Variants in HECW2 observed in about 807,000 individuals in gnomAD.
HECW2 encodes the protein HECT, C2 and WW domain containing E3 ubiquitin protein ligase 2, also known as E3 ubiquitin-protein ligase HECW2.
HECW2 carries 61 observed loss-of-function variants against 175.2 expected under a neutral mutation model. The observed-to-expected ratio is 0.35, with a 90% CI of 0.28 to 0.43. HECW2 has a LOEUF of 0.43. Ranked by LOEUF, HECW2 falls within the 20% of genes least tolerant of loss-of-function variation. HECW2 has a pLI of 1.00. For synonymous variants in HECW2, 671 were observed against 731.0 expected, an observed-to-expected ratio of 0.92 and a Z score of 1.32; for missense variants, 1,524 against 2,000.5, an observed-to-expected ratio of 0.76 and a Z score of 4.54.
chr2:196,310,006 T>C (rs1406075613), intron 10 of HECW2, among the ~76,000 whole-genome samples: 1 of 152,234 alleles, frequency 6.6e-6, no homozygotes, highest in Admixed American at 6.5e-5. Context: ...AATATGACTA[T>C]GGCTTGCTTG....
At chr2:196,320,509 C>T in intron 7 of HECW2, 70 bp from the exon 8 acceptor site, 1 of 923,140 alleles carries the variant, frequency 1.1e-6, no homozygotes, top group Non-Finnish European at 1.7e-6. Context: ...TTCCACAGGC[C>T]ACCCACCAAA....
At chr2:196,511,019 G>A (rs1041287123) in intron 1 of HECW2, among the ~76,000 whole-genome samples, 16 of 152,184 alleles carry the variant, frequency 1.1e-4, no homozygotes, top group African/African-American at 2.9e-4. Context: ...AGGCTGGAGC[G>A]CAGTGGTGTG....
At chr2:196,404,797 C>CT (rs1035740886) in intron 2 of HECW2, among the ~76,000 whole-genome samples, 4 of 133,620 alleles carry the variant, frequency 3.0e-5, no homozygotes, top group South Asian at 2.5e-4. Flanking sequence ...GGTAATATTT[C>CT]TTTTTTTTTC....
chr2:196,501,787 T>A (rs1687587395), intron 1 of HECW2, among the ~76,000 whole-genome samples: 1 of 152,220 alleles, frequency 6.6e-6, no homozygotes, highest in Admixed American at 6.5e-5. Context: ...AAAAATAATA[T>A]CTTTTGGTTT....
intron 13 of HECW2, among the ~76,000 whole-genome samples, chr2:196,295,144 T>C (rs184603141): frequency 1.4e-3 from 211 of 152,318 alleles, no homozygotes; most frequent in Non-Finnish European, 1.0e-3. Flanking sequence ...GAGGTTTTGA[T>C]GGCTGTGAGC....
intron 28 of HECW2, among the ~76,000 whole-genome samples, chr2:196,207,137 C>T (rs1414033575): frequency 6.6e-6 from 1 of 152,116 alleles, no homozygotes; most frequent in Non-Finnish European, 1.5e-5. Context: ...CATCAGGAAG[C>T]CAGGAGTGTT....
intron 1 of HECW2, among the ~76,000 whole-genome samples, chr2:196,470,228 C>T (rs1034690782): frequency 1.8e-4 from 28 of 151,850 alleles, no homozygotes; most frequent in Non-Finnish European, 1.0e-4. Flanking sequence ...GGACAAGCAT[C>T]AATTGCAGTG....
intron 4 of HECW2, among the ~76,000 whole-genome samples, chr2:196,333,376 T>G (rs1692438363): frequency 6.6e-6 from 1 of 152,150 alleles, no homozygotes; most frequent in Non-Finnish European, 1.5e-5. Context: ...CAGTGCTTGA[T>G]AGGTACAAGC....
chr2:196,350,573 A>G (rs1333857760), intron 2 of HECW2, among the ~76,000 whole-genome samples: 1 of 152,192 alleles, frequency 6.6e-6, no homozygotes, highest in Non-Finnish European at 1.5e-5. Context: ...AATGCTGTGG[A>G]CCATGCATAT....
At chr2:196,240,116 AATTGCATAAATGCAATTCCTT>A (rs1230566344) in intron 21 of HECW2, 1 of 173,368 alleles carries the variant, frequency 5.8e-6, no homozygotes, top group African/African-American at 2.4e-5. Context: ...ATCACAAAGG[AATTGCATAAATGCAATTCCTT>A]GTTTTTTTTC....
At chr2:196,578,829 C>T (rs977542122) in intron 1 of HECW2, among the ~76,000 whole-genome samples, 4 of 152,142 alleles carry the variant, frequency 2.6e-5, no homozygotes, top group African/African-American at 9.7e-5. Context: ...GTCACCATCA[C>T]ATCCTACAAG....
chr2:196,235,912 C>T (rs1688237071), intron 21 of HECW2, among the ~76,000 whole-genome samples: 1 of 152,032 alleles, frequency 6.6e-6, no homozygotes, highest in Admixed American at 6.6e-5. Context: ...TCGCCTTGGC[C>T]TCCCAAGGTG....
chr2:196,491,369 T>TATAC lies in HECW2; in HGVS notation c.-35-57912_-35-57911insGTAT, dbSNP rs1275717195. On this transcript the variant is annotated intron_variant, in intron 1 of 28. Transcript: ENST00000644978. ...AAACAAATACAAAATCATATATATA[T>TATAC]ACACACACACACACACACACACACA... is the stretch of plus-strand genomic sequence containing the variant. Among the ~76,000 whole-genome samples the TATAC allele has an allele frequency of 1.8e-3, 232 of 130,656 alleles. 1 individual carries two copies. Among genetic ancestry groups the TATAC allele is most frequent in the African/African-American group, 6.2e-3 (210 of 33,736 alleles). The allele number at this position is 130,656 out of a possible 152,430, so 85.7% of individuals were successfully genotyped here. A position where few individuals can be genotyped will look rare whatever the true frequency, so the allele number is the denominator to read the frequency against.
At chr2:196,448,925 G>T (rs1183468913) in intron 1 of HECW2, among the ~76,000 whole-genome samples, 1 of 151,896 alleles carries the variant, frequency 6.6e-6, no homozygotes, top group African/African-American at 2.4e-5. Flanking sequence ...TCCATTTTTT[G>T]GGGGAAAAAA....
At chr2:196,459,574 C>T (rs10202810) in intron 1 of HECW2, among the ~76,000 whole-genome samples, 32,794 of 151,720 alleles carry the variant, frequency 0.22, 4,041 homozygotes, top group African/African-American at 0.34. Context: ...CATGATGTCC[C>T]CTCCCTCCAT....
intron 1 of HECW2, among the ~76,000 whole-genome samples, chr2:196,585,894 A>G (rs10167169): frequency 0.81 from 123,931 of 152,100 alleles, 50,842 homozygotes; most frequent in East Asian, 0.96. Context: ...CTTAAGAAAG[A>G]TCATATCCAA....
At chr2:196,335,467 G>A (rs1014255) in intron 3 of HECW2, among the ~76,000 whole-genome samples, 111,384 of 152,066 alleles carry the variant, frequency 0.73, 42,434 homozygotes, top group East Asian at 0.97. Flanking sequence ...CCTAGGCTAC[G>A]GGAGGGAGTT....
At chr2:196,279,660 A>G (rs1426212029) in intron 14 of HECW2, among the ~76,000 whole-genome samples, 1 of 151,532 alleles carries the variant, frequency 6.6e-6, no homozygotes, top group Non-Finnish European at 1.5e-5. Context: ...AGACATTCCC[A>G]CTCTTTGGTC....
chr2:196,361,736 CTG>C, intron 2 of HECW2: 2 of 939,866 alleles, frequency 2.1e-6, no homozygotes, highest in African/African-American at 3.5e-5. Flanking sequence ...GCAGAGAAAA[CTG>C]TAAATCCCAA....
Sources: allele counts gnomAD v4.1 joint callset (sites outside exome capture counted in the v4.1 genomes callset), GRCh38; gene constraint gnomAD v4.1.1; transcripts MANE v1.5; gene names NCBI Gene and HGNC (gene_info 2026-07-23, HGNC 2026-07-21).